The following DCDC2C variants were observed in gnomAD, a reference collection of about 807,000 sequenced individuals.
DCDC2C encodes doublecortin domain-containing protein 2C.
A neutral mutation model predicts 45.0 loss-of-function variants in DCDC2C; 44 were observed. That is an observed-to-expected ratio of 0.98 (90% CI 0.77 to 1.26). The LOEUF is 1.26. Ranked by LOEUF, DCDC2C falls within the 50% of genes most tolerant of loss-of-function variation. The pLI is 0.00. For synonymous variants in DCDC2C, 187 were observed against 178.8 expected (o/e 1.05, Z -0.37); for missense variants, 447 against 468.9 (o/e 0.95, Z 0.43).
intron 2 of DCDC2C, among the ~76,000 whole-genome samples, chr2:3,721,477 G>A (rs544933136): frequency 6.6e-6 from 1 of 152,306 alleles, no homozygotes; most frequent in East Asian, 1.9e-4. Context: ...TTGTGTGGAA[G>A]GGGCCATGGA....
At position 3,741,962 on chromosome 2, in the gene DCDC2C, C is replaced by T. The variant is rs996527056; in HGVS notation, c.459C>T (p.Ile153=). The T allele has an allele frequency of 6.5e-7, 1 of 1,548,734 alleles. No homozygotes were observed. The highest frequency in any genetic ancestry group is 8.7e-7 in the Non-Finnish European group (1 of 1,146,324). ...GATTATTTATTCCACCTGCAAAAAT[C>T]ATTATACCCAAATTTAGTCTGTCCG... ...NGRLFIPPAK[I]IIPKFSLSDW... The change falls in exon 4 of 11, where the codon ATC becomes ATT. Residue 153 remains isoleucine, a synonymous_variant. Transcript: ENST00000399143.
chr2:3,752,533 A>G (rs750826830), intron 4 of DCDC2C: 30 of 612,792 alleles, frequency 4.9e-5, no homozygotes, highest in Non-Finnish European at 6.0e-6. Flanking sequence ...CTTGTATATA[A>G]TTAAAAATAC....
chr2:3,829,602 T>G (rs1439796724), intron 10 of DCDC2C, among the ~76,000 whole-genome samples: 1 of 152,228 alleles, frequency 6.6e-6, no homozygotes, highest in Non-Finnish European at 1.5e-5. Context: ...TGACTTGTGA[T>G]AACAGCCTGC....
chr2:3,753,066 G>A (rs1199631583), intron 5 of DCDC2C, among the ~76,000 whole-genome samples, 166 bp downstream of exon 5: 2 of 152,094 alleles, frequency 1.3e-5, no homozygotes, highest in African/African-American at 2.4e-5. Context: ...AAAATGAGGC[G>A]TGGGGGAACT....
chr2:3,727,179 C>T (rs905897923), intron 3 of DCDC2C, 100 bp downstream of exon 3: 1 of 925,818 alleles, frequency 1.1e-6, no homozygotes, highest in Non-Finnish European at 1.7e-6. Flanking sequence ...CCTTTCTGTC[C>T]CTCCTCCCCT....
rs1370089273 is a variant in DCDC2C at position 3,703,598 on chromosome 2, CCCCCGTCCCGTCCCCGTCCCGT to C, written c.-145_-124del. ...GCAGCCCCGTCCCGTCCCCGTCCAG[CCCCCGTCCCGTCCCCGTCCCGT>C]CCCCGTCCTGCGCCAGCGGCTGGAG... On this transcript the variant is annotated 5_prime_UTR_variant, in exon 1 of 11. Coordinates refer to ENST00000399143, the MANE Select transcript of DCDC2C (RefSeq NM_001287444.2). The surrounding 1 kb of genome is among the most constrained non-coding windows in gnomAD (Gnocchi z 4.4). 2.7e-6 allele frequency: 2 copies of C among 730,300 alleles called. No individual in the cohort carries two copies. Among genetic ancestry groups the C allele is most frequent in the Non-Finnish European group, 3.7e-6 (2 of 540,966 alleles). The allele number at this position is 730,300 out of a possible 1,614,324, so 45.2% of individuals were successfully genotyped here. A position where few individuals can be genotyped will look rare whatever the true frequency, so the allele number is the denominator to read the frequency against.
chr2:3,763,352 T>C (rs1440645917), intron 6 of DCDC2C, among the ~76,000 whole-genome samples: 1 of 152,176 alleles, frequency 6.6e-6, no homozygotes, highest in Non-Finnish European at 1.5e-5. Context: ...GACCCAGCGC[T>C]GGTGAGCGCG....
chr2:3,783,862 A>G (rs72771273), intron 9 of DCDC2C, among the ~76,000 whole-genome samples: 1 of 152,276 alleles, frequency 6.6e-6, no homozygotes, highest in Non-Finnish European at 1.5e-5. Context: ...GTGTTTATCT[A>G]CATGAAAATC....
Position 3,734,362 on chromosome 2 carries a change from AT to A in DCDC2C, c.416+7284del, listed in dbSNP as rs982651425. On this transcript the variant is annotated intron_variant, in intron 3 of 10. Transcript: ENST00000399143. This position sits in a 1 kb window ranked among gnomAD's most constrained non-coding sequence, Gnocchi z 4.2. ...AGGAGCCATCGACATAAAGAGCGAG[AT>A]CTACTTAGGGCAGAGGGGTTTCTGA... is the stretch of plus-strand genomic sequence containing the variant. 1.3e-5 allele frequency among the ~76,000 whole-genome samples: 2 copies of A among 152,136 alleles called. No homozygotes were observed. The highest frequency in any genetic ancestry group is 4.8e-5 in the African/African-American group (2 of 41,422).
At chr2:3,814,079 C>A (rs113515650) in intron 10 of DCDC2C, among the ~76,000 whole-genome samples, 17,698 of 151,906 alleles carry the variant, frequency 0.12, 1,321 homozygotes, top group East Asian at 0.18. Context: ...TTTAGTGATT[C>A]CTTCAGGATA....
At chr2:3,724,112 TAACGCACGATGAG>T (rs1668569781) in intron 2 of DCDC2C, among the ~76,000 whole-genome samples, 1 of 152,216 alleles carries the variant, frequency 6.6e-6, no homozygotes, top group Admixed American at 6.5e-5. Flanking sequence ...AAGAACTCTG[TAACGCACGATGAG>T]ATCCATTCTA....
At chr2:3,767,681 C>A in intron 6 of DCDC2C, 73 bp from the exon 7 acceptor site, 1 of 1,515,168 alleles carries the variant, frequency 6.6e-7, no homozygotes, top group Non-Finnish European at 8.9e-7. Context: ...CCTGACCACA[C>A]CCAGAGAACC....
At chr2:3,813,155 T>A (rs989399640) in intron 10 of DCDC2C, among the ~76,000 whole-genome samples, 6 of 150,910 alleles carry the variant, frequency 4.0e-5, no homozygotes, top group African/African-American at 9.7e-5. Flanking sequence ...CACTGCAACC[T>A]CCACCTCTCG....
At chr2:3,775,968 G>A (rs891923759) in intron 8 of DCDC2C, among the ~76,000 whole-genome samples, 1 of 140,146 alleles carries the variant, frequency 7.1e-6, no homozygotes, top group African/African-American at 2.6e-5. Flanking sequence ...GGCAGCTGTC[G>A]CTGTGGGCTA....
At chr2:3,791,563 G>A (rs542003051) in intron 10 of DCDC2C, among the ~76,000 whole-genome samples, 5 of 152,312 alleles carry the variant, frequency 3.3e-5, no homozygotes, top group Non-Finnish European at 5.9e-5. Flanking sequence ...TCACCGCCTT[G>A]CCTTCCATCT....
chr2:3,768,882 A>G lies in DCDC2C; in HGVS notation c.854-429A>G, dbSNP rs547856447. On this transcript the variant is annotated intron_variant, in intron 7 of 10. Transcript: ENST00000399143. ...AGCCACTGCACCTGGCTGAAGCTGCATTTTCTTAAAATTTATTCTATTACT... is the reference window on the plus strand; with the variant it reads ...AGCCACTGCACCTGGCTGAAGCTGCGTTTTCTTAAAATTTATTCTATTACT... Among the ~76,000 whole-genome samples the G allele has an allele frequency of 2.0e-5, 3 of 152,240 alleles. No individual in the cohort carries two copies. The South Asian group carries it at 6.2e-4, about 32-fold the overall frequency.
chr2:3,731,698 C>A (rs1668872232), intron 3 of DCDC2C, among the ~76,000 whole-genome samples: 1 of 152,172 alleles, frequency 6.6e-6, no homozygotes, highest in African/African-American at 2.4e-5. Flanking sequence ...TTACACTGAG[C>A]TCCGGTTTCA....
intron 2 of DCDC2C, among the ~76,000 whole-genome samples, chr2:3,719,522 G>C (rs1346889403): frequency 2.0e-5 from 3 of 152,144 alleles, no homozygotes; most frequent in Admixed American, 1.3e-4. Flanking sequence ...TATGCTGAAG[G>C]GTCACCGTGA....
chr2:3,712,265 G>A lies in DCDC2C; in HGVS notation c.339+3665G>A, dbSNP rs144781172. Reference sequence around the variant, plus strand: ...TCAGTCACAGGACCGAAGGCTGCCCGTCACTCCCAGTGGCATCACTACTAC... The same window carrying A: ...TCAGTCACAGGACCGAAGGCTGCCCATCACTCCCAGTGGCATCACTACTAC... On this transcript the variant is annotated intron_variant, in intron 2 of 10. Coordinates refer to ENST00000399143, the MANE Select transcript of DCDC2C (RefSeq NM_001287444.2). Among the ~76,000 whole-genome samples, 62 of 152,204 alleles carry A rather than the reference G, an allele frequency of 4.1e-4. 1 individual carries two copies. In the East Asian group the frequency reaches 9.1e-3, roughly 22 times the overall value.
Sources: allele counts gnomAD v4.1 joint callset (sites outside exome capture counted in the v4.1 genomes callset), GRCh38; gene constraint gnomAD v4.1.1; non-coding constraint Gnocchi (gnomAD v3.1); transcripts MANE v1.5; gene names NCBI Gene and HGNC (gene_info 2026-07-23, HGNC 2026-07-21).